MTUS2: variants seen among roughly 807,000 people sequenced by gnomAD.
MTUS2 encodes the protein microtubule associated scaffold protein 2.
In MTUS2, 40 loss-of-function variants were observed where a neutral mutation model predicts 114.1. The observed-to-expected ratio is 0.35, with a 90% CI of 0.27 to 0.46. The LOEUF (loss-of-function observed/expected upper bound fraction) is 0.46, where lower values mean the gene tolerates loss of function less well. MTUS2 is among the 20% of genes least tolerant of loss of function. The probability of loss-of-function intolerance (pLI) is 1.00; values close to 1 mark genes in which losing one functional copy is unlikely to be tolerated. For missense variants in MTUS2, 1,679 were observed against 1,705.4 expected (o/e 0.98, Z 0.27); for synonymous variants, 688 against 672.0 (o/e 1.02, Z -0.37).
chr13:29,158,358 C>CCCCCCCCCCTTCTTTT, intron 5 of MTUS2, among the ~76,000 whole-genome samples: 4 of 32,050 alleles, frequency 1.2e-4, no homozygotes, highest in Non-Finnish European at 2.0e-4. Flanking sequence ...GTCCACCCCG[C>CCCCCCCCCCTTCTTTT]TTTTTTTTTT....
intron 7 of MTUS2, among the ~76,000 whole-genome samples, chr13:29,350,836 T>C (rs990969485): frequency 1.3e-5 from 2 of 150,058 alleles, no homozygotes; most frequent in Non-Finnish European, 2.9e-5. Context: ...ATTATTGCTC[T>C]CATATTTCTT....
intron 5 of MTUS2, among the ~76,000 whole-genome samples, chr13:29,113,081 G>A (rs903626950): frequency 2.0e-5 from 3 of 152,144 alleles, no homozygotes; most frequent in African/African-American, 7.2e-5. Context: ...TGATGTGGTG[G>A]TAGATCCCAC....
At chr13:29,390,532 T>C (rs1299621920) in intron 8 of MTUS2, among the ~76,000 whole-genome samples, 1 of 150,660 alleles carries the variant, frequency 6.6e-6, no homozygotes, top group African/African-American at 2.4e-5. Context: ...ACGTGCCTAT[T>C]ATCCCAGCTA....
chr13:29,026,664 G>A lies in MTUS2; in HGVS notation c.1966G>A (p.Gly656Ser). 1 of 1,613,980 alleles carries A rather than the reference G, an allele frequency of 6.2e-7. No homozygotes were observed. Among genetic ancestry groups the A allele is most frequent in the Non-Finnish European group, 8.5e-7 (1 of 1,179,886 alleles). The stretch of plus-strand genomic sequence containing the variant: ...CATCAGGAGGAATCCCCAGGCCCTG[G>A]GCCAGGTGGACGCCTCGCTGGTTCC... Reference protein sequence around the residue: ...TYIRRNPQALGQVDASLVPVG... With the variant: ...TYIRRNPQALSQVDASLVPVG... The change falls in exon 3 of 16, where the codon GGC becomes AGC. Residue 656 changes from glycine to serine, a missense_variant. By Grantham distance (56) the Gly-to-Ser change is moderately conservative. Around this residue, in one of 3 missense-constraint regions of MTUS2, gnomAD observed 822 missense variants for 899.7 expected, o/e 0.91. Transcript: ENST00000612955.
intron 9 of MTUS2, among the ~76,000 whole-genome samples, chr13:29,452,572 A>ATGTGTGTG (rs1448764367): frequency 4.1e-5 from 2 of 48,742 alleles, no homozygotes; most frequent in African/African-American, 1.3e-4. Context: ...ATATATATAT[A>ATGTGTGTG]TATGTGTGTG....
In MTUS2 at chr13:29,428,762, G is replaced by T. The variant is rs1008316890; in HGVS notation, c.3118-11221G>T. 6.9e-6 allele frequency: 11 copies of T among 1,603,866 alleles called. 1 individual carries two copies. The highest frequency in any genetic ancestry group is 4.5e-5 in the East Asian group (2 of 44,728). ...CAGCTCCCAGCGGCGCGCCCCTTTC[G>T]TGTGTGCCGGTACCTCGGCTTAGGA... On this transcript the variant is annotated intron_variant, in intron 8 of 15. Coordinates refer to ENST00000612955, the MANE Select transcript of MTUS2 (RefSeq NM_001033602.4).
chr13:29,376,027 GTA>G (rs59303497), intron 8 of MTUS2, among the ~76,000 whole-genome samples: 21,622 of 135,356 alleles, frequency 0.16, 1,587 homozygotes, highest in Middle Eastern at 0.2. Context: ...GTATGTGTGT[GTA>G]TATATATATA....
intron 5 of MTUS2, among the ~76,000 whole-genome samples, chr13:29,264,307 G>A (rs1403422495): frequency 6.6e-6 from 1 of 152,238 alleles, no homozygotes; most frequent in Non-Finnish European, 1.5e-5. Context: ...GCTTTGCAGG[G>A]TTTAGTCTCC....
chr13:29,070,201 A>G (rs1307127360), intron 4 of MTUS2, among the ~76,000 whole-genome samples: 3 of 152,106 alleles, frequency 2.0e-5, no homozygotes, highest in Non-Finnish European at 4.4e-5. Flanking sequence ...GAAATTTTCA[A>G]TTCTGCTCTT....
intron 7 of MTUS2, among the ~76,000 whole-genome samples, chr13:29,341,074 A>G (rs4769721): frequency 0.53 from 81,124 of 151,930 alleles, 24,899 homozygotes; most frequent in East Asian, 0.76. Flanking sequence ...GGCTGATTCC[A>G]TATTTTTGCA....
At chr13:29,324,770 A>T (rs1566131436) in intron 7 of MTUS2, 59 bp downstream of exon 7, 5 of 1,319,866 alleles carry the variant, frequency 3.8e-6, no homozygotes, top group Non-Finnish European at 4.3e-6. Flanking sequence ...AATTTATCTT[A>T]TTCAGATGTC....
intron 4 of MTUS2, among the ~76,000 whole-genome samples, chr13:29,070,509 T>G (rs778749294): frequency 2.0e-5 from 3 of 152,160 alleles, no homozygotes; most frequent in Admixed American, 6.5e-5. Flanking sequence ...TATTCTTTTG[T>G]AGGTGATCTG....
chr13:29,095,983 C>A (rs1012605490), intron 4 of MTUS2, among the ~76,000 whole-genome samples: 1 of 151,874 alleles, frequency 6.6e-6, no homozygotes, highest in African/African-American at 2.4e-5. Context: ...TTTCTGTTGC[C>A]TGCTTTTTTC....
intron 6 of MTUS2, among the ~76,000 whole-genome samples, chr13:29,282,235 C>G (rs936579255): frequency 6.6e-6 from 1 of 152,208 alleles, no homozygotes; most frequent in Non-Finnish European, 1.5e-5. Flanking sequence ...CCCCAGAACC[C>G]CAGAGAGAAG....
chr13:29,388,954 C>T (rs923484711), intron 8 of MTUS2, among the ~76,000 whole-genome samples: 4 of 151,822 alleles, frequency 2.6e-5, no homozygotes, highest in African/African-American at 7.3e-5. Flanking sequence ...GTTGTCTTGC[C>T]CCCAGCAGTA....
chr13:29,175,210 G>A lies in MTUS2; in HGVS notation c.2644+74240G>A, dbSNP rs184034108. Reference sequence around the variant, plus strand: ...ATTATTTGTACACTGTAAATATAAAGTCTAAATTTATTCTTTAAATAATGA... The same window carrying A: ...ATTATTTGTACACTGTAAATATAAAATCTAAATTTATTCTTTAAATAATGA... On this transcript the variant is annotated intron_variant, in intron 5 of 15. Transcript: ENST00000612955. Among the ~76,000 whole-genome samples, 120 of 152,188 alleles carry A rather than the reference G, an allele frequency of 7.9e-4. 1 individual carries two copies. The East Asian group carries it at 0.019, about 24-fold the overall frequency.
At chr13:29,040,142 C>G (rs1040703130) in intron 4 of MTUS2, among the ~76,000 whole-genome samples, 4 of 152,162 alleles carry the variant, frequency 2.6e-5, no homozygotes, top group African/African-American at 9.7e-5. Context: ...CCCCAAGTCC[C>G]CAAAGTCCAT....
intron 5 of MTUS2, among the ~76,000 whole-genome samples, chr13:29,211,179 A>G (rs1358899900): frequency 6.6e-6 from 1 of 152,012 alleles, no homozygotes; most frequent in Non-Finnish European, 1.5e-5. Flanking sequence ...TGTGGTTCTC[A>G]GGCCAATGGA....
chr13:28,822,714 A>G (rs915921217), intron 1 of MTUS2, among the ~76,000 whole-genome samples: 1 of 149,268 alleles, frequency 6.7e-6, no homozygotes, highest in Non-Finnish European at 1.5e-5. Context: ...AAATAAGGAG[A>G]GTACTCTTTC....
Sources: allele counts gnomAD v4.1 joint callset (sites outside exome capture counted in the v4.1 genomes callset), GRCh38; gene constraint gnomAD v4.1.1; regional missense constraint gnomAD v4.1.1; transcripts MANE v1.5; gene names NCBI Gene and HGNC (gene_info 2026-07-23, HGNC 2026-07-21).